The following ITGAM variants were observed in gnomAD, a reference collection of about 807,000 sequenced individuals.
ITGAM encodes integrin subunit alpha M.
ITGAM carries 79 observed loss-of-function variants against 137.5 expected under a neutral mutation model. That is an observed-to-expected ratio of 0.57 (90% CI 0.48 to 0.69). The LOEUF is 0.69. Among genes scored for constraint, ITGAM ranks in the 30% least tolerant of loss-of-function variants. The probability of loss-of-function intolerance (pLI) is 0.00; values close to 1 mark genes in which losing one functional copy is unlikely to be tolerated. For missense variants in ITGAM, 1,343 were observed against 1,483.5 expected (o/e 0.91, Z 1.56); for synonymous variants, 583 against 592.3 (o/e 0.98, Z 0.23).
At chr16:31,311,642 T>C (rs1025131614) in intron 14 of ITGAM, among the ~76,000 whole-genome samples, 26 of 152,114 alleles carry the variant, frequency 1.7e-4, no homozygotes, top group Admixed American at 9.2e-4. Context: ...ACAGCAGGTG[T>C]TGGAGAGGAT....
In ITGAM at chr16:31,287,693, G is replaced by A. The variant is rs114156343; in HGVS notation, c.1356+9584G>A. Among the ~76,000 whole-genome samples the A allele has an allele frequency of 5.1e-3, 772 of 151,980 alleles. 8 individuals carry two copies. Among genetic ancestry groups the A allele is most frequent in the African/African-American group, 0.018 (744 of 41,444 alleles). ...TGACTTGTAATTAATGCATTGTATG[G>A]GGATGAAACCAGTTTCTCCTGATAC... On this transcript the variant is annotated intron_variant, in intron 12 of 29. Transcript: ENST00000544665.
At chr16:31,318,116 CT>C (rs1451363758) in intron 14 of ITGAM, among the ~76,000 whole-genome samples, 1 of 152,036 alleles carries the variant, frequency 6.6e-6, no homozygotes, top group African/African-American at 2.4e-5. Flanking sequence ...TCTGTTTAAA[CT>C]TTCTATTGCC....
Position 31,325,635 on chromosome 16 carries a change from G to C in ITGAM, c.2628+13G>C, listed in dbSNP as rs766248886. 2 of 1,610,580 alleles carry C rather than the reference G, an allele frequency of 1.2e-6. No individual in the cohort carries two copies. Among genetic ancestry groups the C allele is most frequent in the African/African-American group, 2.7e-5 (2 of 74,678 alleles). ...GGAAAACTCAGAGGTCAGAACTCCTGGCTCCTCCCCTCCTTTTCTCTTTGA... is the reference window on the plus strand; with the variant it reads ...GGAAAACTCAGAGGTCAGAACTCCTCGCTCCTCCCCTCCTTTTCTCTTTGA... On this transcript the variant is annotated intron_variant, in intron 21 of 29. Transcript: ENST00000544665.
At chr16:31,297,977 G>A in intron 14 of ITGAM, 23 bp downstream of exon 14, 1 of 1,565,664 alleles carries the variant, frequency 6.4e-7, no homozygotes, top group Non-Finnish European at 8.8e-7. Flanking sequence ...CACTGTCCTT[G>A]TCATGACAGT....
intron 22 of ITGAM, 98 bp downstream of exon 22, chr16:31,327,033 T>G (rs2080515692): frequency 1.1e-6 from 1 of 887,160 alleles, no homozygotes; most frequent in Non-Finnish European, 1.9e-6. Flanking sequence ...TGGTTCTCCC[T>G]TCAACTCATT....
intron 23 of ITGAM, 66 bp from the exon 24 acceptor site, chr16:31,329,162 C>T: frequency 1.0e-6 from 1 of 959,102 alleles, no homozygotes; most frequent in South Asian, 1.3e-5. Flanking sequence ...ACACACTTAG[C>T]CTGAGACACC....
Position 31,278,155 on chromosome 16 carries a change from G to A in ITGAM, c.1356+46G>A, listed in dbSNP as rs188111873. On this transcript the variant is annotated intron_variant, in intron 12 of 29. Coordinates refer to ENST00000544665, the MANE Select transcript of ITGAM (RefSeq NM_000632.4). Reference sequence around the variant, plus strand: ...ATGAATGTGCAAACAGAGGCGCCCTGGGGTCTTAGAGATTCCAGGAGGGGC... The same window carrying A: ...ATGAATGTGCAAACAGAGGCGCCCTAGGGTCTTAGAGATTCCAGGAGGGGC... 41 of 1,561,650 alleles carry A rather than the reference G, an allele frequency of 2.6e-5. No individual in the cohort carries two copies. The African/African-American group carries it at 5.6e-4, about 21-fold the overall frequency.
intron 24 of ITGAM, 100 bp from the exon 25 acceptor site, chr16:31,329,698 A>G (rs749506634): frequency 6.2e-5 from 56 of 906,560 alleles, no homozygotes; most frequent in Non-Finnish European, 9.6e-5. Context: ...AAGGGGCAGG[A>G]CGCCCGGGCC....
intron 14 of ITGAM, among the ~76,000 whole-genome samples, chr16:31,312,652 C>T (rs1032696879): frequency 1.3e-5 from 2 of 152,140 alleles, no homozygotes; most frequent in African/African-American, 4.8e-5. Context: ...TGGTCTCCAA[C>T]TCCTGGGCTC....
intron 5 of ITGAM, among the ~76,000 whole-genome samples, chr16:31,270,739 ATAT>A (rs1447226669): frequency 6.2e-5 from 7 of 112,692 alleles, no homozygotes; most frequent in African/African-American, 2.7e-4. Context: ...ATATATATAT[ATAT>A]ATGTTTTTAA....
At chr16:31,307,910 C>T (rs1424506419) in intron 14 of ITGAM, among the ~76,000 whole-genome samples, 9 of 152,036 alleles carry the variant, frequency 5.9e-5, no homozygotes, top group Non-Finnish European at 1.0e-4. Context: ...GATAATCATG[C>T]GGTTTTCGTC....
At chr16:31,318,949 AT>A in intron 14 of ITGAM, among the ~76,000 whole-genome samples, 1 of 151,534 alleles carries the variant, frequency 6.6e-6, no homozygotes, top group African/African-American at 2.4e-5. Flanking sequence ...TTTCTAATTT[AT>A]TTTTTTATCC....
chr16:31,300,112 G>C (rs978414741), intron 14 of ITGAM, among the ~76,000 whole-genome samples: 1 of 152,010 alleles, frequency 6.6e-6, no homozygotes, highest in Non-Finnish European at 1.5e-5. Flanking sequence ...ATATCCCACT[G>C]TATGTATATA....
intron 12 of ITGAM, among the ~76,000 whole-genome samples, chr16:31,280,230 G>C (rs886394833): frequency 2.0e-5 from 3 of 152,122 alleles, no homozygotes; most frequent in Non-Finnish European, 4.4e-5. Flanking sequence ...GCTCTTTTTT[G>C]GTTCCACATG....
intron 26 of ITGAM, 31 bp from the exon 27 acceptor site, chr16:31,330,277 T>C: frequency 6.3e-7 from 1 of 1,596,244 alleles, no homozygotes; most frequent in Non-Finnish European, 8.6e-7. Context: ...TCGGCTTCCT[T>C]ACCCGTCCCC....
chr16:31,285,368 C>A (rs2080017786), intron 12 of ITGAM, among the ~76,000 whole-genome samples: 1 of 152,056 alleles, frequency 6.6e-6, no homozygotes, highest in Admixed American at 6.6e-5. Flanking sequence ...GGTCTCCTCC[C>A]TTACCAGCAC....
At chr16:31,275,816 C>G (rs1475770725) in intron 9 of ITGAM, 117 bp downstream of exon 9, 3 of 924,502 alleles carry the variant, frequency 3.2e-6, no homozygotes, top group Non-Finnish European at 4.8e-6. Context: ...CATCAACTCT[C>G]TCCACTTCCT....
intron 23 of ITGAM, 170 bp from the exon 24 acceptor site, chr16:31,329,058 C>T: frequency 1.7e-6 from 1 of 582,110 alleles, no homozygotes. Flanking sequence ...CACTGTGTGT[C>T]CAGCACACAT....
chr16:31,325,668 G>C, intron 21 of ITGAM, 46 bp downstream of exon 21: 1 of 1,584,938 alleles, frequency 6.3e-7, no homozygotes, highest in Non-Finnish European at 8.6e-7. Context: ...TGATTTCTTT[G>C]GGGATTCTTT....
Sources: allele counts gnomAD v4.1 joint callset (sites outside exome capture counted in the v4.1 genomes callset), GRCh38; gene constraint gnomAD v4.1.1; transcripts MANE v1.5; gene names NCBI Gene and HGNC (gene_info 2026-07-23, HGNC 2026-07-21).